BECN1: variants seen among roughly 807,000 people sequenced by gnomAD.
BECN1 encodes the protein beclin 1, also known as beclin-1.
A neutral mutation model predicts 60.1 loss-of-function variants in BECN1; 15 were observed. That is an observed-to-expected ratio of 0.25 (90% CI 0.17 to 0.38). The LOEUF (loss-of-function observed/expected upper bound fraction) is 0.38, where lower values mean the gene tolerates loss of function less well. BECN1 is among the 10% of genes least tolerant of loss of function. BECN1 has a pLI of 1.00. For synonymous variants in BECN1, 179 were observed against 201.8 expected, an observed-to-expected ratio of 0.89 and a Z score of 0.96; for missense variants, 424 against 548.2, an observed-to-expected ratio of 0.77 and a Z score of 2.26.
chr17:42,816,312 C>A (rs1025763375), intron 7 of BECN1, among the ~76,000 whole-genome samples: 2 of 152,198 alleles, frequency 1.3e-5, no homozygotes, highest in Non-Finnish European at 2.9e-5. Flanking sequence ...GGGCAAAAAA[C>A]CTCTTATTTC....
chr17:42,818,621 A>G lies in BECN1; in HGVS notation c.411T>C (p.Cys137=). 6.2e-7 allele frequency: 1 copy of G among 1,614,104 alleles called. No homozygotes were observed. Among genetic ancestry groups the G allele is most frequent in the Non-Finnish European group, 8.5e-7 (1 of 1,180,010 alleles). ...SGQTDVDHPL[C]EECTDTLLDQ... is the part of the protein sequence containing the mutation. ...CTAAAAGAGTATCTGTGCATTCCTC[A>G]CAGAGTGGGTGATCCACATCTGTCT... Residue 137 remains cysteine (C), a synonymous_variant, in exon 6 of 12, where the codon TGT becomes TGC. Transcript: ENST00000590099.
intron 7 of BECN1, among the ~76,000 whole-genome samples, chr17:42,817,087 G>C (rs2055162518): frequency 6.6e-6 from 1 of 152,042 alleles, no homozygotes; most frequent in African/African-American, 2.4e-5. Context: ...TTGAGCTCAA[G>C]AGTTCAAGAC....
chr17:42,811,835 C>G (rs1319080712), intron 10 of BECN1, 38 bp from the exon 11 acceptor site: 1 of 1,595,234 alleles, frequency 6.3e-7, no homozygotes, highest in East Asian at 2.2e-5. Context: ...GATCTGGCAC[C>G]AAGAAAGGCT....
At chr17:42,818,104 G>T in intron 7 of BECN1, 117 bp downstream of exon 7, 1 of 1,088,400 alleles carries the variant, frequency 9.2e-7, no homozygotes, top group Non-Finnish European at 1.3e-6. Context: ...ATCTGGGGCA[G>T]GCATGCTGCT....
At chr17:42,817,220 A>C (rs2055164762) in intron 7 of BECN1, among the ~76,000 whole-genome samples, 1 of 151,380 alleles carries the variant, frequency 6.6e-6, no homozygotes, top group Non-Finnish European at 1.5e-5. Flanking sequence ...GCTTAGGTGT[A>C]GGAAGTCAAG....
At position 42,810,937 on chromosome 17, in the gene BECN1, G is replaced by C; in HGVS notation, c.1185-9C>G. 1.3e-6 allele frequency: 2 copies of C among 1,596,962 alleles called. No homozygotes were observed. Among genetic ancestry groups the C allele is most frequent in the Non-Finnish European group, 1.7e-6 (2 of 1,171,648 alleles). The stretch of plus-strand genomic sequence containing the variant: ...CTTTCTCCACATCCATCCTGCAGAT[G>C]GACAGAGCAAAACTCATTAGTAACT... On this transcript the variant is annotated splice_polypyrimidine_tract_variant and intron_variant, in intron 11 of 11. Coordinates refer to ENST00000590099, the MANE Select transcript of BECN1 (RefSeq NM_001313998.2).
intron 11 of BECN1, 87 bp from the exon 12 acceptor site, chr17:42,811,015 C>A (rs555658924): frequency 7.6e-6 from 10 of 1,324,388 alleles, no homozygotes; most frequent in African/African-American, 1.5e-5. Context: ...GGACCATTCA[C>A]GTCATTTTAT....
At chr17:42,815,343 C>T (rs548135068) in intron 8 of BECN1, among the ~76,000 whole-genome samples, 67 of 152,220 alleles carry the variant, frequency 4.4e-4, no homozygotes, top group Middle Eastern at 3.4e-3. Flanking sequence ...ACAACCCCCT[C>T]TCTGCAGACT....
At chr17:42,813,913 CTG>C (rs1231438743) in intron 10 of BECN1, 33 bp downstream of exon 10, 5 of 1,474,068 alleles carry the variant, frequency 3.4e-6, no homozygotes, top group Non-Finnish European at 4.7e-6. Context: ...TATAAGAACT[CTG>C]TATTCCAGTG....
chr17:42,820,938 C>T (rs2055250585), intron 2 of BECN1, 97 bp from the exon 3 acceptor site: 4 of 1,056,910 alleles, frequency 3.8e-6, no homozygotes, highest in Middle Eastern at 5.5e-4. Flanking sequence ...CTCATCACCA[C>T]CCTCACCTCC....
At position 42,819,517 on chromosome 17, in the gene BECN1, C is replaced by A. The variant is rs1446602690; in HGVS notation, c.260+31G>T. 1.9e-6 allele frequency: 3 copies of A among 1,607,642 alleles called. No homozygotes were observed. In the South Asian group the frequency reaches 3.3e-5, roughly 18 times the overall value. Reference sequence around the variant, plus strand: ...TAATTAAAATTCTACTAGCCTTTGGCAAGGAATGGGGGCTGAGAAGTAGTA... The same window carrying A: ...TAATTAAAATTCTACTAGCCTTTGGAAAGGAATGGGGGCTGAGAAGTAGTA... On this transcript the variant is annotated intron_variant, in intron 4 of 11. Coordinates refer to ENST00000590099, the MANE Select transcript of BECN1 (RefSeq NM_001313998.2).
Position 42,814,513 on chromosome 17 carries a change from A to C in BECN1, c.980+11T>G. 2 of 1,614,096 alleles carry C rather than the reference A, an allele frequency of 1.2e-6. No homozygotes were observed. Among genetic ancestry groups the C allele is most frequent in the Non-Finnish European group, 8.5e-7 (1 of 1,179,978 alleles). ...GCACATCACTCCCCAAGAAAGGGCT[A>C]CACTTCCTACCTCTGAAATTTCAGA... On this transcript the variant is annotated intron_variant, in intron 9 of 11. Transcript: ENST00000590099.
At chr17:42,819,048 AT>A in intron 4 of BECN1, 171 bp from the exon 5 acceptor site, 2 of 667,668 alleles carry the variant, frequency 3.0e-6, no homozygotes, top group Non-Finnish European at 5.0e-6. Context: ...AAGGAAGGCC[AT>A]GCTGGTCTTC....
intron 2 of BECN1, 118 bp downstream of exon 2, chr17:42,823,630 T>C (rs2055320630): frequency 3.6e-6 from 5 of 1,383,154 alleles, no homozygotes; most frequent in East Asian, 2.4e-5. Context: ...ATGAAGTGAC[T>C]TTCCTAGGTT....
At chr17:42,821,016 T>C (rs2055252587) in intron 2 of BECN1, among the ~76,000 whole-genome samples, 175 bp from the exon 3 acceptor site, 1 of 152,216 alleles carries the variant, frequency 6.6e-6, no homozygotes, top group Non-Finnish European at 1.5e-5. Flanking sequence ...TAAATCAGAT[T>C]AAAGAAATGT....
intron 7 of BECN1, 147 bp from the exon 8 acceptor site, chr17:42,816,201 C>A: frequency 4.8e-6 from 4 of 825,314 alleles, no homozygotes; most frequent in Non-Finnish European, 5.4e-6. Context: ...TTCTGAGGAA[C>A]ATGTATGTCC....
chr17:42,818,455 AT>A, intron 6 of BECN1, 40 bp from the exon 7 acceptor site: 1 of 1,612,426 alleles, frequency 6.2e-7, no homozygotes, highest in Non-Finnish European at 8.5e-7. Context: ...CTAGAGCTCC[AT>A]TTGCCTGAGT....
chr17:42,819,023 G>T, intron 4 of BECN1, 146 bp from the exon 5 acceptor site: 1 of 799,000 alleles, frequency 1.3e-6, no homozygotes, highest in Non-Finnish European at 1.9e-6. Context: ...ACCTCCCAAG[G>T]GTACCTCTCT....
At chr17:42,820,505 A>T (rs1477299311) in intron 3 of BECN1, 3 of 387,980 alleles carry the variant, frequency 7.7e-6, no homozygotes, top group Non-Finnish European at 1.4e-5. Flanking sequence ...ATAATTTATA[A>T]TTCTGCTTCA....
Sources: gnomAD v4.1 joint callset for allele counts (sites outside exome capture counted in the v4.1 genomes callset) on GRCh38, gnomAD v4.1.1 for gene constraint, MANE v1.5 for transcripts, NCBI Gene and HGNC (gene_info 2026-07-23, HGNC 2026-07-21) for gene names.